KCNQ4: variants seen among roughly 807,000 people sequenced by gnomAD.
The protein encoded by KCNQ4 is potassium voltage-gated channel subfamily KQT member 4.
Under a neutral mutation model 72.6 loss-of-function variants are expected in KCNQ4, and 31 were observed. That is an observed-to-expected ratio of 0.43 (90% CI 0.32 to 0.58). The LOEUF (loss-of-function observed/expected upper bound fraction) is 0.58, where lower values mean the gene tolerates loss of function less well. Among genes scored for constraint, KCNQ4 ranks in the 20% least tolerant of loss-of-function variants. The pLI, the probability that KCNQ4 is intolerant of heterozygous loss-of-function variation, is 0.08. For missense variants in KCNQ4, 869 were observed against 962.6 expected (o/e 0.90, Z 1.29); for synonymous variants, 405 against 403.7 (o/e 1.00, Z -0.04).
At chr1:40,804,136 A>G (rs1447304486) in intron 1 of KCNQ4, among the ~76,000 whole-genome samples, 1 of 151,950 alleles carries the variant, frequency 6.6e-6, no homozygotes, top group East Asian at 1.9e-4. Flanking sequence ...GGTTACCCTG[A>G]CCCCTGCCAG....
chr1:40,838,676 T>C lies in KCNQ4; in HGVS notation c.*153T>C. The C allele has an allele frequency of 4.0e-6, 3 of 742,780 alleles. No individual in the cohort carries two copies. The highest frequency in any genetic ancestry group is 6.9e-6 in the Non-Finnish European group (3 of 433,208). The allele number at this position is 742,780 out of a possible 1,614,324, so 46.0% of individuals were successfully genotyped here. ...TATTGAGCTGCCTGAGTGGGCGTGGTACCTGCTGTGGGTGCCAGCGCCCCT... is the reference window on the plus strand; with the variant it reads ...TATTGAGCTGCCTGAGTGGGCGTGGCACCTGCTGTGGGTGCCAGCGCCCCT... On this transcript the variant is annotated 3_prime_UTR_variant, in exon 14 of 14. Transcript: ENST00000347132.
chr1:40,837,803 A>C lies in KCNQ4; in HGVS notation c.1875+9A>C. The stretch of plus-strand genomic sequence containing the variant: ...TCAAGGTGGAGAAGCAGGTGAGTGT[A>C]GGATGGGGTGGCGGAGCTGGCCATA... On this transcript the variant is annotated intron_variant, in intron 13 of 13. Transcript: ENST00000347132. The C allele has an allele frequency of 1.9e-6, 3 of 1,604,708 alleles. No homozygotes were observed. Among genetic ancestry groups the C allele is most frequent in the Non-Finnish European group, 2.6e-6 (3 of 1,176,286 alleles).
intron 1 of KCNQ4, among the ~76,000 whole-genome samples, chr1:40,811,224 A>G (rs964866261): frequency 6.6e-6 from 1 of 152,156 alleles, no homozygotes; most frequent in Admixed American, 6.5e-5. Context: ...AGGTCACCAC[A>G]TGAGAGCCAC....
intron 7 of KCNQ4, among the ~76,000 whole-genome samples, chr1:40,820,844 G>A (rs1270579222): frequency 1.3e-5 from 2 of 152,220 alleles, no homozygotes; most frequent in Non-Finnish European, 2.9e-5. Flanking sequence ...TTGTGACTGT[G>A]TGTGGGCTGA....
intron 1 of KCNQ4, among the ~76,000 whole-genome samples, chr1:40,789,798 T>C (rs1647245116): frequency 6.6e-6 from 1 of 151,962 alleles, no homozygotes; most frequent in Non-Finnish European, 1.5e-5. Flanking sequence ...GCACTTTGAG[T>C]GGATGATTAA....
intron 1 of KCNQ4, among the ~76,000 whole-genome samples, chr1:40,815,459 C>T (rs533110223): frequency 2.8e-4 from 42 of 152,192 alleles, no homozygotes; most frequent in African/African-American, 9.9e-4. Context: ...CCTTCTGGTC[C>T]TAAACCCTGC....
At chr1:40,797,075 G>A (rs1020042490) in intron 1 of KCNQ4, among the ~76,000 whole-genome samples, 1 of 152,222 alleles carries the variant, frequency 6.6e-6, no homozygotes, top group African/African-American at 2.4e-5. Flanking sequence ...CAGTCTCCCC[G>A]GGCCAGGCCC....
intron 1 of KCNQ4, among the ~76,000 whole-genome samples, chr1:40,816,372 A>G (rs1007708956): frequency 6.6e-6 from 1 of 152,032 alleles, no homozygotes; most frequent in Admixed American, 6.5e-5. Context: ...CACATACCGC[A>G]AGGCCACCAG....
chr1:40,818,417 A>G (rs1481833911), intron 3 of KCNQ4, 88 bp from the exon 4 acceptor site: 2 of 1,068,830 alleles, frequency 1.9e-6, no homozygotes, highest in Non-Finnish European at 2.7e-6. Flanking sequence ...CTCCCTCCCC[A>G]GTCCCCTGCC....
chr1:40,825,703 T>C (rs535216203), intron 9 of KCNQ4, among the ~76,000 whole-genome samples: 11 of 152,086 alleles, frequency 7.2e-5, no homozygotes, highest in Non-Finnish European at 1.2e-4. Context: ...CTACCAAACA[T>C]AGTTTCCAGG....
chr1:40,791,313 A>C (rs183250446), intron 1 of KCNQ4, among the ~76,000 whole-genome samples: 2 of 152,248 alleles, frequency 1.3e-5, no homozygotes, highest in Non-Finnish European at 2.9e-5. Context: ...CTTGAAATGC[A>C]TAGGGTACCA....
intron 1 of KCNQ4, among the ~76,000 whole-genome samples, chr1:40,801,544 G>C (rs185954376): frequency 6.4e-4 from 98 of 152,338 alleles, no homozygotes; most frequent in African/African-American, 2.1e-3. Flanking sequence ...CTAGGTTTTG[G>C]AGAGAAAGTA....
At chr1:40,823,380 T>G (rs1648367907) in intron 8 of KCNQ4, among the ~76,000 whole-genome samples, 1 of 149,954 alleles carries the variant, frequency 6.7e-6, no homozygotes, top group African/African-American at 2.5e-5. Flanking sequence ...CATTCGAGAG[T>G]GGGGCAGGGC....
chr1:40,836,766 TAAGTC>T (rs988452967), intron 12 of KCNQ4, among the ~76,000 whole-genome samples: 2 of 152,292 alleles, frequency 1.3e-5, no homozygotes, highest in Admixed American at 6.5e-5. Flanking sequence ...GTGCTGCTAG[TAAGTC>T]AAGTAAAATG....
intron 9 of KCNQ4, among the ~76,000 whole-genome samples, chr1:40,825,955 T>G (rs927918446): frequency 6.6e-6 from 1 of 152,144 alleles, no homozygotes; most frequent in Non-Finnish European, 1.5e-5. Flanking sequence ...CTCGTATCTA[T>G]CTGCCTGGGA....
rs750997338 is a variant in KCNQ4 at position 40,824,175 on chromosome 1, G to A, written c.1209G>A (p.Pro403=). The A allele has an allele frequency of 1.4e-5, 22 of 1,560,608 alleles. No homozygotes were observed. The highest frequency in any genetic ancestry group is 4.8e-5 in the East Asian group (2 of 41,386). ...GGCCCCTGGAGGTGCGGCGGGCGCCGGTACCCGACGGAGCACCCTCCCGTT... is the reference window on the plus strand; with the variant it reads ...GGCCCCTGGAGGTGCGGCGGGCGCCAGTACCCGACGGAGCACCCTCCCGTT... ...GLRPLEVRRA[P]VPDGAPSRYP... Residue 403 remains proline, a synonymous_variant, in exon 9 of 14, where the codon CCG becomes CCA. Transcript: ENST00000347132.
intron 1 of KCNQ4, among the ~76,000 whole-genome samples, chr1:40,810,030 A>G (rs1647879905): frequency 6.7e-6 from 1 of 149,868 alleles, no homozygotes; most frequent in Non-Finnish European, 1.5e-5. Flanking sequence ...ACTGCACTCC[A>G]GCCTGGGCGA....
chr1:40,820,040 C>G, intron 6 of KCNQ4, 55 bp downstream of exon 6: 5 of 1,554,736 alleles, frequency 3.2e-6, no homozygotes, highest in Non-Finnish European at 4.4e-6. Context: ...ACCTGCTCAC[C>G]CCTGTCACAC....
At chr1:40,832,414 C>A (rs1441159894) in intron 10 of KCNQ4, among the ~76,000 whole-genome samples, 3 of 152,210 alleles carry the variant, frequency 2.0e-5, no homozygotes, top group Admixed American at 1.3e-4. Context: ...CCCAGGACCT[C>A]CCTTCCCTGT....
Sources: allele counts gnomAD v4.1 joint callset (sites outside exome capture counted in the v4.1 genomes callset), GRCh38; gene constraint gnomAD v4.1.1; transcripts MANE v1.5; gene names NCBI Gene and HGNC (gene_info 2026-07-23, HGNC 2026-07-21).